The following ABR variants were observed in gnomAD, a reference collection of about 807,000 sequenced individuals.
ABR encodes active breakpoint cluster region-related protein.
A neutral mutation model predicts 107.2 loss-of-function variants in ABR; 35 were observed. That is an observed-to-expected ratio of 0.33 (90% confidence interval 0.25 to 0.43). The LOEUF (loss-of-function observed/expected upper bound fraction) is 0.43. Among genes scored for constraint, ABR ranks in the 20% least tolerant of loss-of-function variants. The pLI is 1.00. For synonymous variants in ABR, 498 were observed against 462.0 expected (o/e 1.08, Z -1.00); for missense variants, 815 against 1,115.2 (o/e 0.73, Z 3.83).
intron 1 of ABR, among the ~76,000 whole-genome samples, chr17:1,227,090 GTCCT>G (rs1335138283): frequency 6.6e-6 from 1 of 152,202 alleles, no homozygotes; most frequent in African/African-American, 2.4e-5. Context: ...CACGTCTGTA[GTCCT>G]GAGGAAGGTG....
At chr17:1,012,952 G>A (rs1403416501) in intron 17 of ABR, 153 bp downstream of exon 17, 2 of 1,073,920 alleles carry the variant, frequency 1.9e-6, no homozygotes, top group South Asian at 2.6e-5. Context: ...GCAGCGGGCA[G>A]GGTGTGGGCA....
At chr17:1,096,682 GT>G (rs2037449871) in intron 3 of ABR, among the ~76,000 whole-genome samples, 2 of 151,520 alleles carry the variant, frequency 1.3e-5, no homozygotes, top group East Asian at 2.0e-4. Context: ...CTGGGGGAAG[GT>G]GGGGAACCCG....
intron 16 of ABR, among the ~76,000 whole-genome samples, chr17:1,018,110 C>T (rs754744313): frequency 3.0e-4 from 45 of 151,422 alleles, no homozygotes; most frequent in South Asian, 1.9e-3. Flanking sequence ...TGGCGCGATC[C>T]TGGCTCACTG....
intron 1 of ABR, among the ~76,000 whole-genome samples, chr17:1,223,998 A>C (rs1466052570): frequency 6.6e-6 from 1 of 152,148 alleles, no homozygotes; most frequent in East Asian, 1.9e-4. Flanking sequence ...TGCTCTGTGG[A>C]ATCCATGAAT....
intron 16 of ABR, among the ~76,000 whole-genome samples, chr17:1,023,711 C>G (rs768745611): frequency 3.3e-5 from 5 of 152,166 alleles, no homozygotes; most frequent in Non-Finnish European, 7.4e-5. Flanking sequence ...AAGCCTCGAG[C>G]TGGACCTGGA....
At chr17:1,159,774 A>G (rs977118762) in intron 1 of ABR, among the ~76,000 whole-genome samples, 5 of 152,004 alleles carry the variant, frequency 3.3e-5, no homozygotes, top group African/African-American at 1.2e-4. Context: ...ACTCACACAC[A>G]GGAAGCACTC....
intron 10 of ABR, among the ~76,000 whole-genome samples, chr17:1,065,617 T>C (rs1217896651): frequency 1.3e-5 from 2 of 152,254 alleles, no homozygotes; most frequent in African/African-American, 2.4e-5. Context: ...AACAGCACTT[T>C]GGCTGCATCC....
chr17:1,160,190 G>A (rs999602628), intron 1 of ABR, among the ~76,000 whole-genome samples: 2 of 151,908 alleles, frequency 1.3e-5, no homozygotes, highest in Non-Finnish European at 2.9e-5. Context: ...GGAGGTGGAG[G>A]CTGCAGTGAG....
intron 1 of ABR, among the ~76,000 whole-genome samples, chr17:1,160,349 A>G (rs2041241203): frequency 6.6e-6 from 1 of 151,904 alleles, no homozygotes; most frequent in African/African-American, 2.4e-5. Context: ...GCACTCACAC[A>G]TTATTTAAGC....
intron 10 of ABR, among the ~76,000 whole-genome samples, chr17:1,066,736 C>T (rs1326084795): frequency 2.0e-5 from 3 of 152,094 alleles, no homozygotes. Flanking sequence ...GCCATGTTGG[C>T]CAGGCTGGTC....
At chr17:1,041,690 G>C (rs1023410209) in intron 16 of ABR, among the ~76,000 whole-genome samples, 1 of 152,114 alleles carries the variant, frequency 6.6e-6, no homozygotes, top group Non-Finnish European at 1.5e-5. Context: ...CCAAGACTGC[G>C]CCATTACACT....
chr17:1,103,759 GC>G (rs1273017716), intron 2 of ABR, among the ~76,000 whole-genome samples: 1 of 152,156 alleles, frequency 6.6e-6, no homozygotes, highest in African/African-American at 2.4e-5. Context: ...TGCAGTTTTG[GC>G]TGAGATTGGA....
At chr17:1,221,336 G>A (rs562925064) in intron 1 of ABR, among the ~76,000 whole-genome samples, 1 of 152,268 alleles carries the variant, frequency 6.6e-6, no homozygotes, top group African/African-American at 2.4e-5. Flanking sequence ...TCACTCTTAC[G>A]CTCCTCTTCC....
rs139704273 is a variant in ABR at position 1,133,101 on chromosome 17, C to T, written c.62-7734G>A. On this transcript the variant is annotated intron_variant, in intron 1 of 22. Transcript: ENST00000302538. ...CTACTAAAATACAAAATTAGCCAGGCGTGGTAGCACATGCCTATAATCCCA... is the reference window on the plus strand; with the variant it reads ...CTACTAAAATACAAAATTAGCCAGGTGTGGTAGCACATGCCTATAATCCCA... 2.2e-3 allele frequency among the ~76,000 whole-genome samples: 335 copies of T among 152,228 alleles called. 2 individuals carry two copies. The highest frequency in any genetic ancestry group is 7.8e-3 in the African/African-American group (322 of 41,540).
intron 1 of ABR, among the ~76,000 whole-genome samples, chr17:1,213,591 C>T (rs1022425224): frequency 3.3e-4 from 50 of 152,038 alleles, no homozygotes; most frequent in Non-Finnish European, 5.4e-4. Flanking sequence ...CGGGGTTTCA[C>T]CATGTTGGTC....
chr17:1,060,587 G>T (rs79850356), intron 10 of ABR, among the ~76,000 whole-genome samples: 2 of 152,202 alleles, frequency 1.3e-5, no homozygotes, highest in Non-Finnish European at 2.9e-5. Flanking sequence ...AGTGGGAGGT[G>T]AGTGGCGACC....
At chr17:1,209,104 T>C (rs1405763916) in intron 1 of ABR, among the ~76,000 whole-genome samples, 1 of 152,178 alleles carries the variant, frequency 6.6e-6, no homozygotes, top group Admixed American at 6.6e-5. Context: ...TTTGCCTTCA[T>C]GGTGCCTGAA....
chr17:1,227,628 T>C (rs1598159967), intron 1 of ABR, among the ~76,000 whole-genome samples: 1 of 146,702 alleles, frequency 6.8e-6, no homozygotes, highest in East Asian at 1.9e-4. Flanking sequence ...TTTGGAACAA[T>C]CCCAGCATCA....
intron 2 of ABR, among the ~76,000 whole-genome samples, chr17:1,118,229 C>T (rs1414710626): frequency 2.1e-5 from 2 of 93,760 alleles, no homozygotes; most frequent in Non-Finnish European, 4.5e-5. Flanking sequence ...TTCTCCCCAG[C>T]GTTAACCCTG....
Sources: allele counts gnomAD v4.1 joint callset (sites outside exome capture counted in the v4.1 genomes callset), GRCh38; gene constraint gnomAD v4.1.1; transcripts MANE v1.5; gene names NCBI Gene and HGNC (gene_info 2026-07-23, HGNC 2026-07-21).